The following TNRC6B variants were observed in gnomAD, a reference collection of about 807,000 sequenced individuals.
TNRC6B encodes trinucleotide repeat-containing gene 6B protein.
A neutral mutation model predicts 203.6 loss-of-function variants in TNRC6B; 52 were observed. That is an observed-to-expected ratio of 0.26 (90% CI 0.20 to 0.32). TNRC6B has a LOEUF of 0.32. Among genes scored for constraint, TNRC6B ranks in the 10% least tolerant of loss-of-function variants. TNRC6B has a pLI of 1.00. For synonymous variants in TNRC6B, 838 were observed against 845.7 expected, an observed-to-expected ratio of 0.99 and a Z score of 0.16; for missense variants, 1,923 against 2,286.2, an observed-to-expected ratio of 0.84 and a Z score of 3.24.
At chr22:40,290,644 G>A (rs1014248822) in intron 12 of TNRC6B, among the ~76,000 whole-genome samples, 7 of 152,142 alleles carry the variant, frequency 4.6e-5, no homozygotes, top group Admixed American at 1.3e-4. Context: ...TACGTACAGT[G>A]TGCAGCCTGC....
rs1419832995 is a variant in TNRC6B at position 40,334,469 on chromosome 22, A to G, written c.*11228A>G. ...ACTCCTAACTCTCCACTATGTGCTTATAACTTCACATTCTATGCCCTCCCC... is the reference window on the plus strand; with the variant it reads ...ACTCCTAACTCTCCACTATGTGCTTGTAACTTCACATTCTATGCCCTCCCC... On this transcript the variant is annotated 3_prime_UTR_variant, in exon 23 of 23. Transcript: ENST00000454349. 2 of 152,612 alleles carry G rather than the reference A, an allele frequency of 1.3e-5. No individual in the cohort carries two copies. Among genetic ancestry groups the G allele is most frequent in the Admixed American group, 6.5e-5 (1 of 15,286 alleles). The allele number at this position is 152,612 out of a possible 1,614,324, so 9.5% of individuals were successfully genotyped here. A position where few individuals can be genotyped will look rare whatever the true frequency, so the allele number is the denominator to read the frequency against.
intron 12 of TNRC6B, 23 bp downstream of exon 12, chr22:40,285,793 G>A (rs774474878): frequency 7.5e-6 from 12 of 1,610,482 alleles, no homozygotes; most frequent in Non-Finnish European, 1.0e-5. Context: ...ACGTTCCTGT[G>A]ATTCAAAATG....
At chr22:40,194,252 C>A (rs546408107) in intron 1 of TNRC6B, among the ~76,000 whole-genome samples, 251 of 152,314 alleles carry the variant, frequency 1.6e-3, no homozygotes, top group African/African-American at 4.7e-3. Context: ...GGGTAAACCC[C>A]GGGCAGAGCA....
chr22:40,273,310 A>T (rs1424103802), intron 6 of TNRC6B, 115 bp from the exon 7 acceptor site: 1 of 948,318 alleles, frequency 1.1e-6, no homozygotes, highest in Non-Finnish European at 1.5e-6. Flanking sequence ...CTTGCCATGG[A>T]GATGGAGTAG....
At chr22:40,192,079 C>T (rs944450584) in intron 1 of TNRC6B, among the ~76,000 whole-genome samples, 1 of 152,104 alleles carries the variant, frequency 6.6e-6, no homozygotes, top group African/African-American at 2.4e-5. Flanking sequence ...AGCCTGCTCC[C>T]GAACTCCTGA....
At chr22:40,198,742 G>A (rs1000614589) in intron 1 of TNRC6B, among the ~76,000 whole-genome samples, 1 of 152,082 alleles carries the variant, frequency 6.6e-6, no homozygotes, top group Non-Finnish European at 1.5e-5. Context: ...TTTTAATAAG[G>A]ACCGATAAAA....
At position 40,300,553 on chromosome 22, in the gene TNRC6B, G is replaced by A. The variant is rs765721577; in HGVS notation, c.3807G>A (p.Leu1269=). Residue 1269 remains leucine (L), a synonymous_variant, in exon 13 of 23, where the codon CTG becomes CTA. Coordinates refer to ENST00000454349, the MANE Select transcript of TNRC6B (RefSeq NM_001162501.2). ...TATCTCCTCAACAAATTGCCATGCT[G>A]AGCCAGCTTCCACAAATTCCCCAGT... ...PQLSPQQIAM[L]SQLPQIPQFQ... 2 of 1,613,136 alleles carry A rather than the reference G, an allele frequency of 1.2e-6. No homozygotes were observed. The highest frequency in any genetic ancestry group is 1.7e-6 in the Non-Finnish European group (2 of 1,179,676).
intron 1 of TNRC6B, among the ~76,000 whole-genome samples, chr22:40,232,137 A>C (rs1311548630): frequency 6.6e-6 from 1 of 152,208 alleles, no homozygotes; most frequent in African/African-American, 2.4e-5. Flanking sequence ...TATTGTGAAA[A>C]AACAGGAGTG....
chr22:40,239,000 C>A (rs1249068606), intron 1 of TNRC6B, among the ~76,000 whole-genome samples: 1 of 151,930 alleles, frequency 6.6e-6, no homozygotes, highest in Admixed American at 6.6e-5. Flanking sequence ...GTCAGGAGTT[C>A]AAGACCAGGC....
chr22:40,067,576 C>T (rs1309612454), intron 1 of TNRC6B, among the ~76,000 whole-genome samples: 5 of 152,058 alleles, frequency 3.3e-5, no homozygotes, highest in African/African-American at 1.2e-4. Flanking sequence ...GGCTTAAGAA[C>T]CAAGGAAGCC....
chr22:40,077,139 C>T (rs1000367017), intron 1 of TNRC6B, among the ~76,000 whole-genome samples: 1 of 151,626 alleles, frequency 6.6e-6, no homozygotes, highest in Non-Finnish European at 1.5e-5. Flanking sequence ...GGCACTTCTT[C>T]CTATACAGTA....
chr22:40,330,656 ACAT>A lies in TNRC6B; in HGVS notation c.*7420_*7422del, dbSNP rs1255885055. 6.6e-6 allele frequency: 1 copy of A among 152,640 alleles called. No individual in the cohort carries two copies. Among genetic ancestry groups the A allele is most frequent in the African/African-American group, 2.4e-5 (1 of 41,448 alleles). The allele number at this position is 152,640 out of a possible 1,614,324, so 9.5% of individuals were successfully genotyped here. A position where few individuals can be genotyped will look rare whatever the true frequency, so the allele number is the denominator to read the frequency against. ...ATAAGTTGGAATAAATGTGTTTAAAACATCATCCACCGCCCTTTTTAAATTTTG... is the reference window on the plus strand; with the variant it reads ...ATAAGTTGGAATAAATGTGTTTAAAACATCCACCGCCCTTTTTAAATTTTG... On this transcript the variant is annotated 3_prime_UTR_variant, in exon 23 of 23. Coordinates refer to ENST00000454349, the MANE Select transcript of TNRC6B (RefSeq NM_001162501.2).
chr22:40,139,325 A>ATTTTTTTT (rs562172960), intron 3 of TNRC6B, among the ~76,000 whole-genome samples: 1 of 120,618 alleles, frequency 8.3e-6, no homozygotes, highest in African/African-American at 3.0e-5. Context: ...GGGTGTACGC[A>ATTTTTTTT]TTTTTTTTTT....
intron 4 of TNRC6B, among the ~76,000 whole-genome samples, chr22:40,263,665 A>G (rs1345591790): frequency 1.3e-5 from 2 of 152,268 alleles, no homozygotes; most frequent in Admixed American, 6.5e-5. Context: ...GATCTCATTA[A>G]AAACATGTTT....
chr22:40,046,674 T>G (rs1325979796), intron 1 of TNRC6B, among the ~76,000 whole-genome samples: 1 of 144,356 alleles, frequency 6.9e-6, no homozygotes, highest in Non-Finnish European at 1.5e-5. Context: ...AGACAGAGTC[T>G]CAAAGATTGT....
At chr22:40,068,958 T>A (rs2067922096) in intron 1 of TNRC6B, among the ~76,000 whole-genome samples, 2 of 152,152 alleles carry the variant, frequency 1.3e-5, no homozygotes, top group Admixed American at 1.3e-4. Flanking sequence ...TTTTAATTTT[T>A]ATTTTTGATT....
At chr22:40,205,090 G>C (rs2069462684) in intron 1 of TNRC6B, among the ~76,000 whole-genome samples, 1 of 152,206 alleles carries the variant, frequency 6.6e-6, no homozygotes, top group South Asian at 2.1e-4. Flanking sequence ...GTGTTCCACA[G>C]ATGTGATCTA....
At chr22:40,233,327 GAAAA>G (rs572778632) in intron 1 of TNRC6B, among the ~76,000 whole-genome samples, 2 of 142,032 alleles carry the variant, frequency 1.4e-5, no homozygotes, top group African/African-American at 5.2e-5. Context: ...TCACAAAAAA[GAAAA>G]AAAAATTATC....
At chr22:40,179,360 C>T (rs188584832) in intron 1 of TNRC6B, among the ~76,000 whole-genome samples, 80 of 152,010 alleles carry the variant, frequency 5.3e-4, no homozygotes, top group Non-Finnish European at 1.0e-3. Flanking sequence ...AATTACTCCA[C>T]CCCCCTGAGC....
Sources: allele counts gnomAD v4.1 joint callset (sites outside exome capture counted in the v4.1 genomes callset), GRCh38; gene constraint gnomAD v4.1.1; transcripts MANE v1.5; gene names NCBI Gene and HGNC (gene_info 2026-07-23, HGNC 2026-07-21).